Variants in TYW1 observed in about 807,000 individuals in gnomAD.
The protein encoded by TYW1 is tRNA-yW synthesizing protein 1 homolog.
In TYW1, 46 loss-of-function variants were observed where a neutral mutation model predicts 96.2. That is an observed-to-expected ratio of 0.48 (90% CI 0.38 to 0.61). TYW1 has a LOEUF of 0.61. TYW1 is among the 20% of genes least tolerant of loss of function. TYW1 has a pLI of 0.00. For synonymous variants in TYW1, 274 were observed against 323.0 expected (o/e 0.85, Z 1.63); for missense variants, 684 against 909.6 (o/e 0.75, Z 3.19).
intron 13 of TYW1, among the ~76,000 whole-genome samples, chr7:67,129,099 C>G (rs1384464381): frequency 2.0e-5 from 3 of 152,150 alleles, no homozygotes; most frequent in Non-Finnish European, 4.4e-5. Flanking sequence ...CTGCAGTTGG[C>G]TATTTCCCTT....
At chr7:67,152,764 G>A (rs1314912960) in intron 13 of TYW1, among the ~76,000 whole-genome samples, 1 of 152,050 alleles carries the variant, frequency 6.6e-6, no homozygotes, top group Non-Finnish European at 1.5e-5. Flanking sequence ...ACCACGCCTG[G>A]CTCATTTTTG....
At chr7:67,101,660 C>T (rs564675886) in intron 12 of TYW1, among the ~76,000 whole-genome samples, 24 of 152,128 alleles carry the variant, frequency 1.6e-4, no homozygotes, top group African/African-American at 4.3e-4. Context: ...GGACTACAGG[C>T]GCACACCACC....
intron 1 of TYW1, among the ~76,000 whole-genome samples, chr7:66,997,565 A>G (rs1793221736): frequency 6.6e-6 from 1 of 152,162 alleles, no homozygotes; most frequent in African/African-American, 2.4e-5. Flanking sequence ...TCTTTGAGTT[A>G]GTGTTAACAG....
intron 10 of TYW1, among the ~76,000 whole-genome samples, chr7:67,081,444 C>A (rs1200565440): frequency 6.7e-6 from 1 of 149,558 alleles, no homozygotes; most frequent in East Asian, 2.0e-4. Context: ...GCATTTAATC[C>A]ATTTGAGGAA....
chr7:67,179,323 TG>T (rs1799769045), intron 13 of TYW1, among the ~76,000 whole-genome samples: 1 of 136,142 alleles, frequency 7.3e-6, no homozygotes, highest in African/African-American at 3.0e-5. Flanking sequence ...ATCACCTTAG[TG>T]GCCATCTGCT....
At chr7:67,170,154 C>T (rs1322186028) in intron 13 of TYW1, among the ~76,000 whole-genome samples, 3 of 152,116 alleles carry the variant, frequency 2.0e-5, no homozygotes, top group Non-Finnish European at 4.4e-5. Context: ...CTGTGAATAA[C>T]TAGTTGTCTC....
chr7:67,224,260 C>T (rs548395083), intron 15 of TYW1, among the ~76,000 whole-genome samples: 3 of 152,256 alleles, frequency 2.0e-5, no homozygotes, highest in Admixed American at 6.5e-5. Context: ...CCCAAGTAGC[C>T]GAGATTACAG....
chr7:67,234,560 C>G (rs1175564680), intron 15 of TYW1, among the ~76,000 whole-genome samples: 1 of 152,016 alleles, frequency 6.6e-6, no homozygotes, highest in African/African-American at 2.4e-5. Flanking sequence ...TCTGTTGTTT[C>G]AGTCCCCCAC....
At chr7:67,139,009 T>C (rs1798358967) in intron 13 of TYW1, among the ~76,000 whole-genome samples, 2 of 152,056 alleles carry the variant, frequency 1.3e-5, no homozygotes, top group Non-Finnish European at 2.9e-5. Context: ...ATATGTAGTA[T>C]ATAAACTTCT....
At chr7:67,039,785 C>A (rs1458036817) in intron 7 of TYW1, among the ~76,000 whole-genome samples, 3 of 150,898 alleles carry the variant, frequency 2.0e-5, no homozygotes, top group African/African-American at 7.3e-5. Flanking sequence ...GCCTCAGCCT[C>A]CTGAGTAGCT....
chr7:67,161,696 A>G (rs1251465301), intron 13 of TYW1, among the ~76,000 whole-genome samples: 2 of 152,192 alleles, frequency 1.3e-5, no homozygotes, highest in Non-Finnish European at 2.9e-5. Flanking sequence ...TTAGTAAATA[A>G]TGCACATTAG....
intron 9 of TYW1, among the ~76,000 whole-genome samples, chr7:67,058,409 A>G (rs1410619170): frequency 3.3e-5 from 5 of 152,204 alleles, no homozygotes; most frequent in African/African-American, 4.8e-5. Context: ...TCAGGGGGTC[A>G]TTGGCCGAGG....
chr7:67,189,322 T>TTG (rs60234126), intron 14 of TYW1, among the ~76,000 whole-genome samples: 3 of 151,304 alleles, frequency 2.0e-5, no homozygotes, highest in African/African-American at 4.9e-5. Context: ...TGCATCTGTG[T>TTG]TGTGTGTGTG....
rs751913118 is a variant in TYW1 at position 67,238,458 on chromosome 7, G to C, written c.2128G>C (p.Glu710Gln). ...TPHWALFGAS[E>Q]RGFDPKDTRH... ...TCACTGGGCATTATTTGGTGCCAGTGAAAGAGGCTTTGATCCCAAGGACAC... is the reference window on the plus strand; with the variant it reads ...TCACTGGGCATTATTTGGTGCCAGTCAAAGAGGCTTTGATCCCAAGGACAC... The change falls in exon 16 of 16, where the codon GAA becomes CAA. Residue 710 changes from glutamate (E) to glutamine (Q), a missense_variant. Coordinates refer to ENST00000359626, the MANE Select transcript of TYW1 (RefSeq NM_018264.4). 3 of 1,613,824 alleles carry C rather than the reference G, an allele frequency of 1.9e-6. No individual in the cohort carries two copies.
At chr7:67,042,049 AATTAT>A (rs1795044196) in intron 7 of TYW1, among the ~76,000 whole-genome samples, 1 of 146,920 alleles carries the variant, frequency 6.8e-6, no homozygotes, top group Non-Finnish European at 1.5e-5. Context: ...ATTAATATAT[AATTAT>A]ATTAGAATTA....
intron 10 of TYW1, among the ~76,000 whole-genome samples, chr7:67,080,955 T>TTG (rs1323593111): frequency 2.0e-4 from 30 of 146,786 alleles, no homozygotes; most frequent in African/African-American, 7.3e-4. Context: ...TTTTTTTTTT[T>TTG]TTTTTTTTTT....
intron 9 of TYW1, 194 bp from the exon 10 acceptor site, chr7:67,067,091 C>G (rs2711912): frequency 1.7e-6 from 1 of 603,440 alleles, no homozygotes; most frequent in Non-Finnish European, 2.9e-6. Flanking sequence ...GTTTATTTCA[C>G]TGGGCTTTAG....
intron 13 of TYW1, among the ~76,000 whole-genome samples, chr7:67,158,825 C>T (rs140315571): frequency 0.01 from 1,591 of 152,330 alleles, 12 homozygotes; most frequent in Non-Finnish European, 0.017. Flanking sequence ...CCCGCCTCAG[C>T]CTCCCAAAGT....
chr7:67,087,226 G>A (rs553493967), intron 11 of TYW1, among the ~76,000 whole-genome samples: 21 of 152,290 alleles, frequency 1.4e-4, no homozygotes, highest in African/African-American at 4.8e-4. Context: ...GGTGAGTTCC[G>A]TGAGCACGTG....
Sources: allele counts gnomAD v4.1 joint callset (sites outside exome capture counted in the v4.1 genomes callset), GRCh38; gene constraint gnomAD v4.1.1; transcripts MANE v1.5; gene names NCBI Gene and HGNC (gene_info 2026-07-23, HGNC 2026-07-21).